FHDC1: variants seen among roughly 807,000 people sequenced by gnomAD.
The protein encoded by FHDC1 is FH2 domain-containing protein 1.
FHDC1 carries 25 observed loss-of-function variants against 52.6 expected under a neutral mutation model. The ratio of observed to expected loss-of-function variants is 0.48; its 90% CI spans 0.35 to 0.66. The LOEUF (loss-of-function observed/expected upper bound fraction) is 0.66, where lower values mean the gene tolerates loss of function less well. Ranked by LOEUF, FHDC1 falls within the 30% of genes least tolerant of loss-of-function variation. FHDC1 has a pLI of 0.01. For missense variants in FHDC1, 1,459 were observed against 1,452.8 expected (o/e 1.00, Z -0.07); for synonymous variants, 616 against 581.5 (o/e 1.06, Z -0.85).
intron 4 of FHDC1, among the ~76,000 whole-genome samples, chr4:152,955,639 C>T (rs1740060280): frequency 6.6e-6 from 1 of 152,168 alleles, no homozygotes; most frequent in Non-Finnish European, 1.5e-5. Flanking sequence ...TGCATGCCAC[C>T]ACGCCCCGCC....
At chr4:152,922,377 C>T in the FHDC1 span, among the ~76,000 whole-genome samples, 2 of 152,178 alleles carry the variant, frequency 1.3e-5, no homozygotes, top group Admixed American at 1.3e-4. Flanking sequence ...AGCTTACCAA[C>T]CAAAAAGAGT....
chr4:152,954,144 A>G, intron 3 of FHDC1, 73 bp from the exon 4 acceptor site: 1 of 1,335,712 alleles, frequency 7.5e-7, no homozygotes, highest in Non-Finnish European at 1.1e-6. Flanking sequence ...AGGAGATTTA[A>G]TTTCCACTGG....
At chr4:152,940,163 C>T (rs1050316853) in intron 1 of FHDC1, among the ~76,000 whole-genome samples, 2 of 152,176 alleles carry the variant, frequency 1.3e-5, no homozygotes, top group Admixed American at 1.3e-4. Context: ...ACCTCTTTCA[C>T]ATTGGACATC....
At position 152,976,072 on chromosome 4, in the gene FHDC1, C is replaced by T. The variant is rs1172383266; in HGVS notation, c.2781C>T (p.Pro927=). The T allele has an allele frequency of 1.9e-6, 3 of 1,602,154 alleles. No homozygotes were observed. In the South Asian group the frequency reaches 3.3e-5, roughly 18 times the overall value. ...WRRPELSSRG[P]SQNPPSSTDT... is the part of the protein sequence containing the mutation. ...GACCAGAGCTGTCATCCCGGGGGCCCTCCCAGAATCCCCCCAGCAGCACAG... is the reference window on the plus strand; with the variant it reads ...GACCAGAGCTGTCATCCCGGGGGCCTTCCCAGAATCCCCCCAGCAGCACAG... Residue 927 remains proline, a synonymous_variant, in exon 12 of 12, where the codon CCC becomes CCT. Coordinates refer to ENST00000511601, the MANE Select transcript of FHDC1 (RefSeq NM_001371116.1).
chr4:152,927,077 A>G, the FHDC1 span, among the ~76,000 whole-genome samples: 2 of 152,222 alleles, frequency 1.3e-5, no homozygotes, highest in African/African-American at 4.8e-5. Context: ...AGACTCCACA[A>G]AAGAGTTACC....
chr4:152,960,241 T>C (rs867997983), intron 4 of FHDC1, among the ~76,000 whole-genome samples: 2 of 152,342 alleles, frequency 1.3e-5, no homozygotes, highest in Middle Eastern at 6.8e-3. Flanking sequence ...TTTTCATCCT[T>C]AGAACTGATT....
the FHDC1 span, among the ~76,000 whole-genome samples, chr4:152,914,355 C>T: frequency 6.6e-6 from 1 of 151,970 alleles, no homozygotes; most frequent in African/African-American, 2.4e-5. Context: ...GCTTTGTTTT[C>T]ATGAAATAAA....
chr4:152,967,957 C>T (rs770808416), intron 9 of FHDC1, 23 bp from the exon 10 acceptor site: 4 of 1,577,248 alleles, frequency 2.5e-6, no homozygotes, highest in East Asian at 4.5e-5. Context: ...TCCAACTGCC[C>T]ACTCTCCCCT....
At chr4:152,917,306 T>A in the FHDC1 span, among the ~76,000 whole-genome samples, 8 of 152,314 alleles carry the variant, frequency 5.3e-5, no homozygotes, top group Admixed American at 1.3e-4. Context: ...TTATTTACTA[T>A]AACAACTTGA....
chr4:152,975,356 G>C lies in FHDC1; in HGVS notation c.2065G>C (p.Gly689Arg), dbSNP rs1412242185. Residue 689 changes from glycine (G) to arginine (R), a missense_variant, in exon 12 of 12, where the codon GGC (glycine) becomes CGC (arginine). Coordinates refer to ENST00000511601, the MANE Select transcript of FHDC1 (RefSeq NM_001371116.1). ...CCAGTTCAACCTCCAGGGTTCCCAG[G>C]GCATGGAGGAGACCTCCCAGCTGAC... The part of the protein sequence containing the change: ...LAQFNLQGSQ[G>R]MEETSQLTLS... 6.2e-7 allele frequency: 1 copy of C among 1,613,592 alleles called. No homozygotes were observed. Among genetic ancestry groups the C allele is most frequent in the Non-Finnish European group, 8.5e-7 (1 of 1,180,046 alleles).
chr4:152,918,333 G>A, the FHDC1 span: 3 of 152,160 alleles, frequency 2.0e-5, no homozygotes, highest in African/African-American at 7.2e-5. Flanking sequence ...CACTAGTAGT[G>A]AACTAACTTC....
the FHDC1 span, chr4:152,911,521 C>G: frequency 6.6e-6 from 1 of 152,468 alleles, no homozygotes; most frequent in African/African-American, 2.4e-5. Context: ...TAGTGTAATC[C>G]ATTTTCAATG....
chr4:152,975,363 A>T lies in FHDC1; in HGVS notation c.2072A>T (p.Glu691Val), dbSNP rs780685621. Residue 691 changes from glutamate (E) to valine (V), a missense_variant, in exon 12 of 12, where the codon GAG (glutamate) becomes GTG (valine). By Grantham distance (121) the Glu-to-Val change is moderately radical. Around this residue, in one of 3 missense-constraint regions of FHDC1, gnomAD observed 939 missense variants for 854.5 expected, o/e 1.10. Transcript: ENST00000511601. Reference protein sequence around the residue: ...QFNLQGSQGMEETSQLTLSDF... With the variant: ...QFNLQGSQGMVETSQLTLSDF... The stretch of plus-strand genomic sequence containing the variant: ...AACCTCCAGGGTTCCCAGGGCATGG[A>T]GGAGACCTCCCAGCTGACTCTGAGT... 1.2e-6 allele frequency: 2 copies of T among 1,613,640 alleles called. No homozygotes were observed. Among genetic ancestry groups the T allele is most frequent in the South Asian group, 1.1e-5 (1 of 91,080 alleles).
chr4:152,922,242 A>G, the FHDC1 span, among the ~76,000 whole-genome samples: 2 of 152,226 alleles, frequency 1.3e-5, no homozygotes, highest in Admixed American at 1.3e-4. Context: ...TACACAAATA[A>G]ACTAGAAAAT....
chr4:152,943,602 T>C (rs1739643075), intron 2 of FHDC1, 47 bp downstream of exon 2: 2 of 1,559,126 alleles, frequency 1.3e-6, no homozygotes, highest in East Asian at 4.5e-5. Context: ...CTGCATTGTT[T>C]TGTGTTTTGG....
the FHDC1 span, chr4:152,916,936 T>A: frequency 6.6e-6 from 1 of 152,282 alleles, no homozygotes; most frequent in African/African-American, 2.4e-5. Context: ...AAATTGAAGC[T>A]TTTCGAAAAA....
chr4:152,952,606 G>A (rs1369249055), intron 2 of FHDC1, among the ~76,000 whole-genome samples: 2 of 152,082 alleles, frequency 1.3e-5, no homozygotes, highest in African/African-American at 4.8e-5. Flanking sequence ...ATTGTCTTAG[G>A]TATTACAAGT....
At position 152,976,147 on chromosome 4, in the gene FHDC1, C is replaced by G. The variant is rs751042198; in HGVS notation, c.2856C>G (p.Ala952=). ...CCGTGCGGAGGGCCTCCACAGGCGC[C>G]GAAGAGCAGAGGCTGCCGCGGGGGA... ...QNSVRRASTG[A]EEQRLPRGSS... is the part of the protein sequence containing the mutation. The change falls in exon 12 of 12, where the codon GCC becomes GCG. Residue 952 remains alanine (A), a synonymous_variant. Coordinates refer to ENST00000511601, the MANE Select transcript of FHDC1 (RefSeq NM_001371116.1). 3.7e-6 allele frequency: 6 copies of G among 1,611,652 alleles called. No individual in the cohort carries two copies. Among genetic ancestry groups the G allele is most frequent in the East Asian group, 2.2e-5 (1 of 44,840 alleles).
Position 152,968,243 on chromosome 4 carries a change from T to C in FHDC1, c.1218+146T>C, listed in dbSNP as rs1349529333. 7 of 610,650 alleles carry C rather than the reference T, an allele frequency of 1.1e-5. No individual in the cohort carries two copies. The East Asian group carries it at 1.9e-4, about 17-fold the overall frequency. The allele number at this position is 610,650 out of a possible 1,614,324, so 37.8% of individuals were successfully genotyped here. A position where few individuals can be genotyped will look rare whatever the true frequency, so the allele number is the denominator to read the frequency against. On this transcript the variant is annotated intron_variant, in intron 10 of 11. Coordinates refer to ENST00000511601, the MANE Select transcript of FHDC1 (RefSeq NM_001371116.1). ...AAGTTAGTCAGAGGAACTTGGTATT[T>C]CCATGCCCATTCTTTGCAGAGGATG...
Sources: gnomAD v4.1 joint callset for allele counts (sites outside exome capture counted in the v4.1 genomes callset) on GRCh38, gnomAD v4.1.1 for gene constraint, gnomAD v4.1.1 regional missense constraint, MANE v1.5 for transcripts, NCBI Gene and HGNC (gene_info 2026-07-23, HGNC 2026-07-21) for gene names.